Variants in PTPN22 observed in about 807,000 individuals in gnomAD.
The protein encoded by PTPN22 is tyrosine-protein phosphatase non-receptor type 22.
In PTPN22, 85 loss-of-function variants were observed where a neutral mutation model predicts 103.3. The observed-to-expected ratio is 0.82, with a 90% CI of 0.69 to 0.99. PTPN22 has a LOEUF of 0.99. PTPN22 is among the 50% of genes least tolerant of loss of function. The pLI, the probability that PTPN22 is intolerant of heterozygous loss-of-function variation, is 0.00. For missense variants in PTPN22, 865 were observed against 936.9 expected (o/e 0.92, Z 1.00); for synonymous variants, 323 against 310.2 (o/e 1.04, Z -0.43).
At chr1:113,814,000 T>C (rs886930703) in exon 21 of PTPN22, 3 of 152,258 alleles carry the variant, frequency 2.0e-5, no homozygotes, top group Non-Finnish European at 4.4e-5. Context: ...AAAAATATTT[T>C]TAATGCATTA....
chr1:113,864,227 C>T (rs556282920), intron 1 of PTPN22: 398 of 453,142 alleles, frequency 8.8e-4, no homozygotes, highest in Non-Finnish European at 1.3e-3. Context: ...TCAAAGAGGT[C>T]CAGAAAGCTT....
chr1:113,834,437 C>A lies in PTPN22; in HGVS notation c.1897G>T (p.Glu633Ter), dbSNP rs776600905. Residue 633 changes from glutamate (E) to a stop codon, truncating the protein, a stop_gained and splice_region_variant, in exon 15 of 21, where the codon GAA becomes TAA. Coordinates refer to ENST00000359785, the Ensembl canonical transcript of PTPN22. LOFTEE classifies it high-confidence loss of function. ...GATTTGGGAACATTTGGTGAGAATT[C>A]TCCTGGAAGAAAGTGAATATAGTTC... is the stretch of plus-strand genomic sequence containing the variant. The A allele has an allele frequency of 5.6e-6, 9 of 1,611,798 alleles. No homozygotes were observed. The East Asian group carries it at 8.9e-5, about 16-fold the overall frequency.
chr1:113,831,999 A>C (rs889930075), intron 16 of PTPN22, among the ~76,000 whole-genome samples: 2 of 152,218 alleles, frequency 1.3e-5, no homozygotes, highest in African/African-American at 4.8e-5. Context: ...GTACTACGCT[A>C]AAAGCTTTAC....
Position 113,825,254 on chromosome 1 carries a change from G to A in PTPN22, c.2251-82C>T. On this transcript the variant is annotated intron_variant, in intron 18 of 20. Coordinates refer to ENST00000359785, the Ensembl canonical transcript of PTPN22. ...ATCAAATAGAAATATAGACTTAAGT[G>A]AAAAGAATTTAATTTCCTTAAAAAT... 4 of 896,258 alleles carry A rather than the reference G, an allele frequency of 4.5e-6. No individual in the cohort carries two copies. The South Asian group carries it at 5.3e-5, about 12-fold the overall frequency. 55.5% of individuals were successfully genotyped at this position (896,258 alleles called of 1,614,324 possible).
chr1:113,870,109 A>G (rs905937746), intron 1 of PTPN22, among the ~76,000 whole-genome samples: 1 of 152,184 alleles, frequency 6.6e-6, no homozygotes, highest in Non-Finnish European at 1.5e-5. Flanking sequence ...TAGTGCTTAG[A>G]ACTGAACTTG....
intron 1 of PTPN22, among the ~76,000 whole-genome samples, chr1:113,866,393 C>T (rs1288607397): frequency 6.6e-6 from 1 of 152,036 alleles, no homozygotes; most frequent in African/African-American, 2.4e-5. Context: ...CTCCTGTAGT[C>T]CCAGCTACTG....
chr1:113,817,928 A>G (rs1201894093), intron 20 of PTPN22, among the ~76,000 whole-genome samples: 1 of 151,656 alleles, frequency 6.6e-6, no homozygotes, highest in Non-Finnish European at 1.5e-5. Context: ...GTTCCAGGTA[A>G]AGTTGGGAGC....
intron 1 of PTPN22, among the ~76,000 whole-genome samples, chr1:113,862,485 T>A (rs565649125): frequency 6.6e-6 from 1 of 152,032 alleles, no homozygotes; most frequent in East Asian, 1.9e-4. Context: ...TCCTGGCCAG[T>A]ATAACAAGGA....
At chr1:113,842,536 T>C (rs1277068594) in intron 11 of PTPN22, among the ~76,000 whole-genome samples, 1 of 151,850 alleles carries the variant, frequency 6.6e-6, no homozygotes, top group Non-Finnish European at 1.5e-5. Flanking sequence ...TATCTGGGCG[T>C]GGTGGCATGT....
At chr1:113,815,416 C>CA (rs1447754367) in intron 20 of PTPN22, 2 of 152,260 alleles carry the variant, frequency 1.3e-5, no homozygotes, top group African/African-American at 4.8e-5. Context: ...TTCAATTTAC[C>CA]AAGAGATTAT....
chr1:113,854,822 C>G lies in PTPN22; in HGVS notation c.683+85G>C, dbSNP rs1423565162. Reference sequence around the variant, plus strand: ...TATTATCGTTTGTTTTTGCTATTAACCTTTTCCCCTTTCAATTACACAGTC... The same window carrying G: ...TATTATCGTTTGTTTTTGCTATTAAGCTTTTCCCCTTTCAATTACACAGTC... On this transcript the variant is annotated intron_variant, in intron 8 of 20. Coordinates refer to ENST00000359785, the Ensembl canonical transcript of PTPN22. The G allele has an allele frequency of 4.8e-6, 7 of 1,452,112 alleles. No individual in the cohort carries two copies. The East Asian group carries it at 1.6e-4, about 33-fold the overall frequency. The allele number at this position is 1,452,112 out of a possible 1,614,324, so 90.0% of individuals were successfully genotyped here. A position where few individuals can be genotyped will look rare whatever the true frequency, so the allele number is the denominator to read the frequency against.
intron 10 of PTPN22, among the ~76,000 whole-genome samples, chr1:113,850,847 T>G (rs943010526): frequency 6.6e-5 from 10 of 152,234 alleles, no homozygotes; most frequent in Non-Finnish European, 1.5e-4. Context: ...TTAAACACTT[T>G]AAGGTCTTGC....
exon 21 of PTPN22, chr1:113,814,040 C>T (rs1369361047): frequency 6.6e-6 from 1 of 152,248 alleles, no homozygotes; most frequent in Non-Finnish European, 1.5e-5. Context: ...TTTGTAAAAA[C>T]AATTACCTGC....
chr1:113,825,315 G>T, intron 18 of PTPN22, 143 bp from the exon 19 acceptor site: 2 of 606,010 alleles, frequency 3.3e-6, no homozygotes, highest in South Asian at 4.8e-5. Flanking sequence ...TTTCCATCTT[G>T]CCATTTTTAA....
chr1:113,826,628 TC>T (rs1242378884), intron 18 of PTPN22, among the ~76,000 whole-genome samples: 1 of 151,082 alleles, frequency 6.6e-6, no homozygotes, highest in Non-Finnish European at 1.5e-5. Context: ...TAGCCATACT[TC>T]CTTCCTCTAC....
intron 9 of PTPN22, among the ~76,000 whole-genome samples, chr1:113,852,995 A>G (rs1487246849): frequency 6.6e-6 from 1 of 152,128 alleles, no homozygotes; most frequent in East Asian, 1.9e-4. Context: ...CTGGAGTGCA[A>G]CAGCGCGATC....
chr1:113,850,217 GA>G (rs1208940952), intron 10 of PTPN22, among the ~76,000 whole-genome samples: 2 of 110,706 alleles, frequency 1.8e-5, no homozygotes, highest in Admixed American at 9.3e-5. Context: ...AGGAAGGAAG[GA>G]AGGAAGGAAG....
intron 20 of PTPN22, among the ~76,000 whole-genome samples, chr1:113,816,441 G>GA (rs66518921): frequency 0.59 from 85,223 of 144,494 alleles, 25,869 homozygotes; most frequent in African/African-American, 0.73. Context: ...AAAAAGAATT[G>GA]AAAAAAAAAA....
At chr1:113,854,388 A>T in intron 9 of PTPN22, 83 bp downstream of exon 9, 1 of 1,223,154 alleles carries the variant, frequency 8.2e-7, no homozygotes, top group Non-Finnish European at 1.2e-6. Context: ...TCATGAAGAT[A>T]GATGTTTTGA....
Sources: allele counts gnomAD v4.1 joint callset (sites outside exome capture counted in the v4.1 genomes callset), GRCh38; gene constraint gnomAD v4.1.1; transcripts MANE v1.5; gene names NCBI Gene and HGNC (gene_info 2026-07-23, HGNC 2026-07-21).